Variants in PLXNA1 observed in about 807,000 individuals in gnomAD.
The protein encoded by PLXNA1 is plexin-A1.
In PLXNA1, 77 loss-of-function variants were observed where a neutral mutation model predicts 191.7. That is an observed-to-expected ratio of 0.40 (90% CI 0.33 to 0.49). PLXNA1 has a LOEUF of 0.49. Ranked by LOEUF, PLXNA1 falls within the 20% of genes least tolerant of loss-of-function variation. The probability of loss-of-function intolerance (pLI) is 0.63; values close to 1 mark genes in which losing one functional copy is unlikely to be tolerated. For synonymous variants in PLXNA1, 1,137 were observed against 1,156.4 expected, an observed-to-expected ratio of 0.98 and a Z score of 0.34; for missense variants, 2,110 against 2,660.2, an observed-to-expected ratio of 0.79 and a Z score of 4.55.
chr3:127,020,212 G>A lies in PLXNA1; in HGVS notation c.3906G>A (p.Glu1302=), dbSNP rs763101598. ...VALECKEAFA[E]LQTDIHELTN... ...CGCATCTGGCCACAGCCTTTGCAGA[G>A]CTGCAGACAGACATCCACGAGCTGA... is the stretch of plus-strand genomic sequence containing the variant. Residue 1302 remains glutamate (E), a synonymous_variant, in exon 21 of 32, where the codon GAG becomes GAA. Transcript: ENST00000393409. 9.3e-6 allele frequency: 15 copies of A among 1,613,000 alleles called. No individual in the cohort carries two copies. The highest frequency in any genetic ancestry group is 1.3e-5 in the Non-Finnish European group (15 of 1,179,960).
At chr3:127,032,089 T>C (rs564451528) in intron 29 of PLXNA1, 1 of 397,068 alleles carries the variant, frequency 2.5e-6, no homozygotes, top group East Asian at 5.5e-5. Context: ...GTGGTGGCTG[T>C]GTGGAGTGGG....
chr3:127,019,245 C>T (rs911437278), intron 20 of PLXNA1, among the ~76,000 whole-genome samples: 5 of 150,792 alleles, frequency 3.3e-5, no homozygotes, highest in African/African-American at 9.7e-5. Context: ...CACTGGGACT[C>T]AACTGGGATG....
chr3:126,989,024 A>G lies in PLXNA1; in HGVS notation c.431A>G (p.Asp144Gly). 2 of 1,613,230 alleles carry G rather than the reference A, an allele frequency of 1.2e-6. No individual in the cohort carries two copies. The highest frequency in any genetic ancestry group is 1.7e-6 in the Non-Finnish European group (2 of 1,180,010). The change falls in exon 2 of 32, where the codon GAC (aspartate) becomes GGC (glycine). Residue 144 changes from aspartate (D) to glycine (G), a missense_variant. By Grantham distance (94) the Asp-to-Gly change is moderately conservative. Coordinates refer to ENST00000393409, the MANE Select transcript of PLXNA1 (RefSeq NM_032242.4). ...SQGICQFLRL[D>G]DLFKLGEPHH... ...GGCATCTGCCAGTTCCTGCGTCTGG[A>G]CGATCTCTTCAAACTGGGTGAGCCA... is the stretch of plus-strand genomic sequence containing the variant.
chr3:127,029,808 G>A, intron 27 of PLXNA1, 66 bp from the exon 28 acceptor site: 2 of 1,471,544 alleles, frequency 1.4e-6, no homozygotes, highest in Non-Finnish European at 9.1e-7. Flanking sequence ...TTCAGATGGG[G>A]AAACAGGCTC....
chr3:127,029,642 G>T, intron 27 of PLXNA1, 106 bp downstream of exon 27: 1 of 1,278,942 alleles, frequency 7.8e-7, no homozygotes, highest in Non-Finnish European at 1.1e-6. Context: ...GGACCCAGGG[G>T]CAGGTGTCAA....
intron 10 of PLXNA1, among the ~76,000 whole-genome samples, chr3:127,013,269 T>C (rs1391420628): frequency 2.1e-5 from 3 of 141,986 alleles, no homozygotes; most frequent in African/African-American, 7.5e-5. Context: ...CCCTCCCTTC[T>C]CACCAGGCCC....
chr3:127,004,777 G>A, intron 5 of PLXNA1, 66 bp downstream of exon 5: 17 of 1,593,892 alleles, frequency 1.1e-5, no homozygotes, highest in Admixed American at 1.7e-5. Flanking sequence ...TGGGGGAGGG[G>A]GAGCCTGGTG....
chr3:126,989,997 C>T (rs1015491395), intron 2 of PLXNA1, among the ~76,000 whole-genome samples: 3 of 152,218 alleles, frequency 2.0e-5, no homozygotes, highest in African/African-American at 4.8e-5. Context: ...AAGGCTGCTC[C>T]CAGCCATGAT....
At chr3:127,009,091 G>A (rs2079083172) in intron 9 of PLXNA1, among the ~76,000 whole-genome samples, 1 of 151,882 alleles carries the variant, frequency 6.6e-6, no homozygotes. Flanking sequence ...TCGGGCCAGG[G>A]AGAGCTGGGC....
rs1431317538 is a variant in PLXNA1 at position 127,036,991 on chromosome 3, T to C, written c.*2974T>C. On this transcript the variant is annotated 3_prime_UTR_variant, in exon 32 of 32. Transcript: ENST00000393409. ...CTGAGGGGCTGGGGGCCCCACGACC[T>C]GCAGCGTCGAGTCCGGGAGAGAGCC... is the stretch of plus-strand genomic sequence containing the variant. The C allele has an allele frequency of 6.6e-6, 1 of 152,300 alleles. No homozygotes were observed. The highest frequency in any genetic ancestry group is 1.9e-4 in the East Asian group (1 of 5,194). The allele number at this position is 152,300 out of a possible 1,614,324, so 9.4% of individuals were successfully genotyped here. A position where few individuals can be genotyped will look rare whatever the true frequency, so the allele number is the denominator to read the frequency against.
In PLXNA1 at chr3:127,037,137, A is replaced by G. The variant is rs1378753593; in HGVS notation, c.*3120A>G. ...CTAGAATAGATATATTTAGAGAGAG[A>G]GATATTTTTAAGACAAAGCCCACAA... On this transcript the variant is annotated 3_prime_UTR_variant, in exon 32 of 32. Coordinates refer to ENST00000393409, the MANE Select transcript of PLXNA1 (RefSeq NM_032242.4). 1 of 152,594 alleles carries G rather than the reference A, an allele frequency of 6.6e-6. No homozygotes were observed. The highest frequency in any genetic ancestry group is 2.4e-5 in the African/African-American group (1 of 41,446). The allele number at this position is 152,594 out of a possible 1,614,324, so 9.5% of individuals were successfully genotyped here.
intron 3 of PLXNA1, among the ~76,000 whole-genome samples, chr3:126,994,842 GC>G (rs911132258): frequency 3.9e-5 from 6 of 152,220 alleles, no homozygotes; most frequent in Middle Eastern, 6.8e-3. Flanking sequence ...GAGAGGCCGG[GC>G]CCCGGGGCTC....
intron 25 of PLXNA1, chr3:127,028,637 A>C: frequency 2.0e-6 from 1 of 489,606 alleles, no homozygotes; most frequent in Non-Finnish European, 3.7e-6. Context: ...GGAGCCATTG[A>C]GGGCCAGAGG....
intron 2 of PLXNA1, 72 bp from the exon 3 acceptor site, chr3:126,991,312 C>G (rs2078988814): frequency 6.4e-7 from 1 of 1,556,064 alleles, no homozygotes; most frequent in Admixed American, 1.7e-5. Flanking sequence ...CACTCCCAGC[C>G]CTGCCCAGGG....
At position 127,035,649 on chromosome 3, in the gene PLXNA1, T is replaced by A. The variant is rs2079237957; in HGVS notation, c.*1632T>A. 1 of 152,626 alleles carries A rather than the reference T, an allele frequency of 6.6e-6. No individual in the cohort carries two copies. Among genetic ancestry groups the A allele is most frequent in the Non-Finnish European group, 1.5e-5 (1 of 68,046 alleles). 9.5% of individuals were successfully genotyped at this position (152,626 alleles called of 1,614,324 possible). On this transcript the variant is annotated 3_prime_UTR_variant, in exon 32 of 32. Transcript: ENST00000393409. Reference sequence around the variant, plus strand: ...CTTGTAAAAGCAAACAAGCGGTCCATCCCCTTTTCAAGGTCACTTTTTTGA... The same window carrying A: ...CTTGTAAAAGCAAACAAGCGGTCCAACCCCTTTTCAAGGTCACTTTTTTGA...
intron 3 of PLXNA1, among the ~76,000 whole-genome samples, chr3:126,996,244 C>T (rs116305740): frequency 0.013 from 2,039 of 152,232 alleles, 38 homozygotes; most frequent in African/African-American, 0.046. Context: ...GTCCTCCGCC[C>T]GGCCATCTTC....
intron 3 of PLXNA1, among the ~76,000 whole-genome samples, chr3:126,995,582 A>G (rs889426601): frequency 6.6e-6 from 1 of 152,274 alleles, no homozygotes; most frequent in Non-Finnish European, 1.5e-5. Context: ...CTGCCCATTC[A>G]GGGAATGTAG....
chr3:127,005,230 C>A lies in PLXNA1; in HGVS notation c.1884C>A (p.Ile628=), dbSNP rs1272838496. The A allele has an allele frequency of 1.2e-6, 2 of 1,607,350 alleles. No individual in the cohort carries two copies. Among genetic ancestry groups the A allele is most frequent in the Non-Finnish European group, 8.5e-7 (1 of 1,177,628 alleles). Residue 628 remains isoleucine (I), a synonymous_variant, in exon 7 of 32, where the codon ATC becomes ATA. Coordinates refer to ENST00000393409, the MANE Select transcript of PLXNA1 (RefSeq NM_032242.4). The part of the protein sequence containing the change: ...RSPSAREVAP[I]TRGQGDQRVV... ...CCTCCGCCCGGGAGGTGGCGCCCAT[C>A]ACGCGGGGCCAGGGTGAGTGGCCCC...
chr3:127,008,004 C>A, intron 9 of PLXNA1, 91 bp downstream of exon 9: 2 of 785,580 alleles, frequency 2.5e-6, no homozygotes, highest in Non-Finnish European at 2.1e-6. Context: ...GAGGCCTGGC[C>A]CAGGGAGCAC....
Sources: gnomAD v4.1 joint callset for allele counts (sites outside exome capture counted in the v4.1 genomes callset) on GRCh38, gnomAD v4.1.1 for gene constraint, MANE v1.5 for transcripts, NCBI Gene and HGNC (gene_info 2026-07-23, HGNC 2026-07-21) for gene names.